The following RSRC1 variants were observed in gnomAD, a reference collection of about 807,000 sequenced individuals.
RSRC1 encodes the protein serine/Arginine-related protein 53.
Under a neutral mutation model 49.1 loss-of-function variants are expected in RSRC1, and 39 were observed. That is an observed-to-expected ratio of 0.79 (90% CI 0.61 to 1.04). The LOEUF is 1.04. RSRC1 is among the 50% of genes least tolerant of loss of function. The pLI is 0.00. For missense variants in RSRC1, 388 were observed against 402.4 expected (o/e 0.96, Z 0.31); for synonymous variants, 143 against 130.8 (o/e 1.09, Z -0.63).
At chr3:158,226,578 G>A (rs1722542813) in intron 4 of RSRC1, among the ~76,000 whole-genome samples, 1 of 151,928 alleles carries the variant, frequency 6.6e-6, no homozygotes, top group East Asian at 1.9e-4. Context: ...TGTGTGCCCT[G>A]TGTCTAGTGT....
chr3:158,434,667 T>C (rs181052535), intron 6 of RSRC1, among the ~76,000 whole-genome samples: 30 of 152,060 alleles, frequency 2.0e-4, no homozygotes, highest in African/African-American at 6.5e-4. Flanking sequence ...CAATGTGTGT[T>C]ACACTTAGCT....
intron 7 of RSRC1, among the ~76,000 whole-genome samples, chr3:158,517,210 C>G (rs1405719669): frequency 6.6e-6 from 1 of 152,138 alleles, no homozygotes; most frequent in Non-Finnish European, 1.5e-5. Flanking sequence ...TTCAGGGCTG[C>G]TATATAGAAA....
At chr3:158,194,749 T>C (rs547894093) in intron 3 of RSRC1, among the ~76,000 whole-genome samples, 1 of 151,046 alleles carries the variant, frequency 6.6e-6, no homozygotes, top group Non-Finnish European at 1.5e-5. Context: ...ATGTGCTGTT[T>C]GGTTTTTTGT....
At chr3:158,213,443 G>A (rs369369224) in intron 4 of RSRC1, among the ~76,000 whole-genome samples, 7 of 151,886 alleles carry the variant, frequency 4.6e-5, no homozygotes, top group African/African-American at 9.7e-5. Context: ...CTTGGGTTCC[G>A]AGATTGCATA....
At chr3:158,301,521 T>G (rs958575109) in intron 5 of RSRC1, among the ~76,000 whole-genome samples, 2 of 152,182 alleles carry the variant, frequency 1.3e-5, no homozygotes, top group African/African-American at 4.8e-5. Context: ...GAGAATCTTT[T>G]CAAGATGGCT....
chr3:158,497,366 T>C (rs763076256), intron 7 of RSRC1, among the ~76,000 whole-genome samples: 21 of 151,752 alleles, frequency 1.4e-4, no homozygotes, highest in South Asian at 4.2e-4. Flanking sequence ...CAGTATACAC[T>C]GCACCACATT....
At chr3:158,273,633 A>G (rs755839915) in intron 4 of RSRC1, among the ~76,000 whole-genome samples, 11 of 152,150 alleles carry the variant, frequency 7.2e-5, no homozygotes, top group Admixed American at 1.3e-4. Flanking sequence ...TGATATATTG[A>G]GAACCTTTAT....
Position 158,121,978 on chromosome 3 carries a change from C to A in RSRC1, c.-2-125C>A, listed in dbSNP as rs145504152. The stretch of plus-strand genomic sequence containing the variant: ...AATGATTGTACCACTACACTCCAGC[C>A]TGGGATACAGAGGGAGACCCCATCT... On this transcript the variant is annotated intron_variant, in intron 1 of 9. Transcript: ENST00000611884. 1,325 of 526,626 alleles carry A rather than the reference C, an allele frequency of 2.5e-3. 1 individual carries two copies. The highest frequency in any genetic ancestry group is 3.5e-3 in the Non-Finnish European group (1,139 of 324,166). 32.6% of individuals were successfully genotyped at this position (526,626 alleles called of 1,614,324 possible).
At chr3:158,201,159 T>G (rs1408351465) in intron 3 of RSRC1, among the ~76,000 whole-genome samples, 1 of 152,176 alleles carries the variant, frequency 6.6e-6, no homozygotes, top group Non-Finnish European at 1.5e-5. Flanking sequence ...TCTTTCACCA[T>G]GTTAAGAATT....
At chr3:158,490,708 G>C (rs772575215) in intron 7 of RSRC1, among the ~76,000 whole-genome samples, 6 of 152,194 alleles carry the variant, frequency 3.9e-5, no homozygotes, top group Non-Finnish European at 8.8e-5. Context: ...GAGAACATAT[G>C]TGATAGATCT....
intron 6 of RSRC1, among the ~76,000 whole-genome samples, chr3:158,432,409 G>C (rs1258802584): frequency 6.6e-6 from 1 of 151,848 alleles, no homozygotes; most frequent in Non-Finnish European, 1.5e-5. Context: ...AGTCTATGGG[G>C]AGTTTTGCAC....
chr3:158,525,065 A>G (rs767161915), intron 7 of RSRC1, among the ~76,000 whole-genome samples: 3 of 152,034 alleles, frequency 2.0e-5, no homozygotes, highest in Non-Finnish European at 2.9e-5. Context: ...TTTTAAAATG[A>G]TAGATTATAC....
intron 5 of RSRC1, among the ~76,000 whole-genome samples, chr3:158,316,437 C>CTTTTTTTTTTTTTT (rs1728450999): frequency 2.3e-5 from 2 of 87,470 alleles, no homozygotes; most frequent in African/African-American, 4.3e-5. Context: ...CAGAATCTCT[C>CTTTTTTTTTTTTTT]ATTTTTTTTT....
chr3:158,185,389 T>C (rs1223758854), intron 3 of RSRC1, among the ~76,000 whole-genome samples: 1 of 151,984 alleles, frequency 6.6e-6, no homozygotes, highest in African/African-American at 2.4e-5. Flanking sequence ...TTTGGAAAAT[T>C]GTCATTTTCT....
intron 5 of RSRC1, among the ~76,000 whole-genome samples, chr3:158,345,063 T>TAAAA: frequency 7.4e-6 from 1 of 135,562 alleles, no homozygotes; most frequent in African/African-American, 2.6e-5. Flanking sequence ...TACTAAAAAA[T>TAAAA]AAAAAAAAAA....
chr3:158,502,582 T>C (rs1225650712), intron 7 of RSRC1, among the ~76,000 whole-genome samples: 1 of 152,172 alleles, frequency 6.6e-6, no homozygotes, highest in Non-Finnish European at 1.5e-5. Context: ...TTCATTGTCT[T>C]TGTTGTATTG....
intron 4 of RSRC1, among the ~76,000 whole-genome samples, chr3:158,288,053 C>G (rs191427824): frequency 8.5e-5 from 13 of 152,204 alleles, no homozygotes; most frequent in African/African-American, 2.9e-4. Flanking sequence ...TAATGAACAA[C>G]ATGCACAACT....
chr3:158,421,939 G>T (rs2108339247), intron 6 of RSRC1, among the ~76,000 whole-genome samples: 1 of 151,900 alleles, frequency 6.6e-6, no homozygotes, highest in African/African-American at 2.4e-5. Flanking sequence ...ATTATTAAAT[G>T]TTATTCATCC....
chr3:158,155,721 G>C (rs1559922078), intron 3 of RSRC1, among the ~76,000 whole-genome samples: 2 of 151,772 alleles, frequency 1.3e-5, no homozygotes, highest in Non-Finnish European at 2.9e-5. Context: ...AGGATTACAG[G>C]CATGAGCCAC....
Sources: allele counts gnomAD v4.1 joint callset (sites outside exome capture counted in the v4.1 genomes callset), GRCh38; gene constraint gnomAD v4.1.1; transcripts MANE v1.5; gene names NCBI Gene and HGNC (gene_info 2026-07-23, HGNC 2026-07-21).